The following KCNIP1 variants were observed in gnomAD, a reference collection of about 807,000 sequenced individuals.
The protein encoded by KCNIP1 is potassium voltage-gated channel interacting protein 1, also known as A-type potassium channel modulatory protein KCNIP1.
Under a neutral mutation model 33.0 loss-of-function variants are expected in KCNIP1, and 18 were observed. That is an observed-to-expected ratio of 0.55 (90% CI 0.38 to 0.81). The LOEUF (loss-of-function observed/expected upper bound fraction) is 0.81, where lower values mean the gene tolerates loss of function less well. Ranked by LOEUF, KCNIP1 falls within the 30% of genes least tolerant of loss-of-function variation. KCNIP1 has a pLI of 0.00. For synonymous variants in KCNIP1, 93 were observed against 98.3 expected, an observed-to-expected ratio of 0.95 and a Z score of 0.32; for missense variants, 238 against 271.6, an observed-to-expected ratio of 0.88 and a Z score of 0.87.
chr5:170,576,762 GCTT>G (rs1317409321), intron 1 of KCNIP1, among the ~76,000 whole-genome samples: 1 of 152,182 alleles, frequency 6.6e-6, no homozygotes. Flanking sequence ...ACAAATGTTT[GCTT>G]CTGTCTCACT....
At chr5:170,638,252 G>A (rs746835380) in intron 1 of KCNIP1, among the ~76,000 whole-genome samples, 6 of 152,030 alleles carry the variant, frequency 3.9e-5, no homozygotes, top group African/African-American at 1.2e-4. Flanking sequence ...CCCTGCCACC[G>A]CTTGCCAGGT....
At position 170,504,255 on chromosome 5, in the gene KCNIP1, G is replaced by T; in HGVS notation, c.-318G>T. 2.6e-6 allele frequency: 3 copies of T among 1,135,922 alleles called. No homozygotes were observed. Among genetic ancestry groups the T allele is most frequent in the Non-Finnish European group, 3.2e-6 (3 of 927,872 alleles). The allele number at this position is 1,135,922 out of a possible 1,614,324, so 70.4% of individuals were successfully genotyped here. On this transcript the variant is annotated 5_prime_UTR_variant, in exon 1 of 8. Transcript: ENST00000328939. This position sits in a 1 kb window ranked among gnomAD's most constrained non-coding sequence, Gnocchi z 6.0. ...GGCCGGGCGGCCGCTCTGGCCCCGT[G>T]TCCAGTGCCAGGCAGGCTTCAGGGC...
chr5:170,480,099 C>A (rs1022047172), intron 1 of KCNIP1, among the ~76,000 whole-genome samples: 1 of 152,212 alleles, frequency 6.6e-6, no homozygotes, highest in Non-Finnish European at 1.5e-5. Context: ...TATATGCACA[C>A]TTACCTTTAC....
intron 1 of KCNIP1, among the ~76,000 whole-genome samples, chr5:170,656,633 A>G (rs1761275532): frequency 6.6e-6 from 1 of 152,198 alleles, no homozygotes; most frequent in African/African-American, 2.4e-5. Flanking sequence ...GGGAGAGGCC[A>G]CCCATGAAGA....
At chr5:170,388,125 C>T (rs1764560483) in intron 1 of KCNIP1, among the ~76,000 whole-genome samples, 1 of 152,182 alleles carries the variant, frequency 6.6e-6, no homozygotes, top group Non-Finnish European at 1.5e-5. Flanking sequence ...CCTGGTTTTA[C>T]CAGTTTTAGG....
intron 1 of KCNIP1, among the ~76,000 whole-genome samples, chr5:170,364,620 C>G (rs1381046564): frequency 6.6e-6 from 1 of 152,180 alleles, no homozygotes; most frequent in Non-Finnish European, 1.5e-5. Flanking sequence ...CCCCCAGGCT[C>G]TCTCCCTCAA....
intron 1 of KCNIP1, among the ~76,000 whole-genome samples, chr5:170,417,510 G>A (rs1041845064): frequency 3.3e-5 from 5 of 152,144 alleles, no homozygotes; most frequent in African/African-American, 1.2e-4. Context: ...AATGGGAGAC[G>A]GGGTCTATAT....
At chr5:170,662,750 T>C (rs1016881907) in intron 1 of KCNIP1, among the ~76,000 whole-genome samples, 1 of 152,040 alleles carries the variant, frequency 6.6e-6, no homozygotes, top group Non-Finnish European at 1.5e-5. Flanking sequence ...AGCATTTGAG[T>C]CTCTTTCTCC....
Position 170,619,420 on chromosome 5 carries a change from C to T in KCNIP1, c.62-99338C>T, listed in dbSNP as rs371405721. ...CCTAAGGGAGGTATGAGATGTAAGA[C>T]CCCGAAGGACACAAAGGTTTGCCAG... On this transcript the variant is annotated intron_variant, in intron 1 of 7. Coordinates refer to ENST00000328939, the MANE Select transcript of KCNIP1 (RefSeq NM_014592.4). 2.3e-4 allele frequency among the ~76,000 whole-genome samples: 35 copies of T among 152,212 alleles called. No individual in the cohort carries two copies. The South Asian group carries it at 6.4e-3, about 28-fold the overall frequency.
intron 1 of KCNIP1, among the ~76,000 whole-genome samples, chr5:170,390,513 A>ATATATATATATATATATATAT (rs1554088932): frequency 6.9e-5 from 2 of 28,836 alleles, no homozygotes; most frequent in African/African-American, 1.5e-4. Flanking sequence ...AAAAAAAAAA[A>ATATATATATATATATATATAT]ACAAATATAT....
intron 1 of KCNIP1, among the ~76,000 whole-genome samples, chr5:170,663,881 C>T (rs1761594392): frequency 6.6e-6 from 1 of 151,346 alleles, no homozygotes. Context: ...CCCCCTCCTC[C>T]AGCCCTGTGT....
chr5:170,666,366 C>T (rs1761703176), intron 1 of KCNIP1, among the ~76,000 whole-genome samples: 1 of 152,062 alleles, frequency 6.6e-6, no homozygotes, highest in South Asian at 2.1e-4. Flanking sequence ...ACTGTTGGCA[C>T]CAAAAGATGC....
At chr5:170,473,793 C>T (rs1756789430) in intron 1 of KCNIP1, among the ~76,000 whole-genome samples, 1 of 152,152 alleles carries the variant, frequency 6.6e-6, no homozygotes, top group Non-Finnish European at 1.5e-5. Flanking sequence ...CAATTCACCC[C>T]CAGGGAAGCT....
rs141509269 is a variant in KCNIP1 at position 170,590,093 on chromosome 5, C to T, written c.61+85460C>T. ...CCTGGCCTGGAGCATAGCGCATGGC[C>T]GATCATAGGTAAGTGCTGGTGTTGA... is the stretch of plus-strand genomic sequence containing the variant. On this transcript the variant is annotated intron_variant, in intron 1 of 7. Transcript: ENST00000328939. Among the ~76,000 whole-genome samples, 500 of 152,134 alleles carry T rather than the reference C, an allele frequency of 3.3e-3. 1 individual carries two copies. Among genetic ancestry groups the T allele is most frequent in the Non-Finnish European group, 5.1e-3 (348 of 68,012 alleles).
chr5:170,701,381 G>A (rs1211101219), intron 1 of KCNIP1, among the ~76,000 whole-genome samples: 1 of 152,194 alleles, frequency 6.6e-6, no homozygotes, highest in African/African-American at 2.4e-5. Context: ...AAATTCAGAA[G>A]GGCTGGGAGT....
At chr5:170,628,837 G>A (rs1451912046) in intron 1 of KCNIP1, among the ~76,000 whole-genome samples, 3 of 152,228 alleles carry the variant, frequency 2.0e-5, no homozygotes, top group African/African-American at 7.2e-5. Context: ...GAGTTTCTGA[G>A]CAAGTGTTGC....
At chr5:170,631,872 A>G (rs900917730) in intron 1 of KCNIP1, among the ~76,000 whole-genome samples, 2 of 152,202 alleles carry the variant, frequency 1.3e-5, no homozygotes, top group South Asian at 2.1e-4. Context: ...TGGTATGTGC[A>G]CTGGCACATA....
chr5:170,382,024 C>T (rs985080884), intron 1 of KCNIP1, among the ~76,000 whole-genome samples: 2 of 152,120 alleles, frequency 1.3e-5, no homozygotes, highest in African/African-American at 4.8e-5. Context: ...AGCCTCCACG[C>T]CCCATCCCAG....
intron 1 of KCNIP1, among the ~76,000 whole-genome samples, chr5:170,516,573 G>A (rs1171177872): frequency 6.6e-6 from 1 of 152,128 alleles, no homozygotes; most frequent in South Asian, 2.1e-4. Flanking sequence ...TCCCCCACCC[G>A]CCAACAGCAT....
Sources: gnomAD v4.1 joint callset for allele counts (sites outside exome capture counted in the v4.1 genomes callset) on GRCh38, gnomAD v4.1.1 for gene constraint, Gnocchi (gnomAD v3.1) non-coding constraint, MANE v1.5 for transcripts, NCBI Gene and HGNC (gene_info 2026-07-23, HGNC 2026-07-21) for gene names.